TMEM131L: variants seen among roughly 807,000 people sequenced by gnomAD.
TMEM131L encodes the protein transmembrane protein 131-like.
A neutral mutation model predicts 192.2 loss-of-function variants in TMEM131L; 54 were observed. The ratio of observed to expected loss-of-function variants is 0.28; its 90% CI spans 0.23 to 0.35. The LOEUF is 0.35. Among genes scored for constraint, TMEM131L ranks in the 10% least tolerant of loss-of-function variants. The pLI is 1.00. For synonymous variants in TMEM131L, 701 were observed against 704.9 expected (o/e 0.99, Z 0.09); for missense variants, 1,888 against 1,972.9 (o/e 0.96, Z 0.82).
intron 3 of TMEM131L, among the ~76,000 whole-genome samples, chr4:153,499,248 C>T (rs1312449532): frequency 6.6e-6 from 1 of 152,164 alleles, no homozygotes; most frequent in Non-Finnish European, 1.5e-5. Context: ...TGGTGCCCAG[C>T]CTCCAGTCGC....
chr4:153,605,277 C>T (rs1732142720), intron 25 of TMEM131L, among the ~76,000 whole-genome samples: 1 of 152,208 alleles, frequency 6.6e-6, no homozygotes, highest in South Asian at 2.1e-4. Flanking sequence ...ATCCCTTTGG[C>T]CTCTAGCATA....
chr4:153,534,972 C>T (rs750851116), intron 3 of TMEM131L, among the ~76,000 whole-genome samples: 2 of 152,100 alleles, frequency 1.3e-5, no homozygotes, highest in Non-Finnish European at 1.5e-5. Flanking sequence ...CTTGGAAATG[C>T]GGAGTTCTTG....
intron 3 of TMEM131L, among the ~76,000 whole-genome samples, chr4:153,510,087 C>T (rs1018027794): frequency 6.6e-6 from 1 of 152,162 alleles, no homozygotes. Context: ...ACCTGACTCT[C>T]ATTTATGAAA....
At chr4:153,607,300 C>T (rs1260308676) in intron 25 of TMEM131L, among the ~76,000 whole-genome samples, 1 of 152,226 alleles carries the variant, frequency 6.6e-6, no homozygotes, top group Non-Finnish European at 1.5e-5. Context: ...TAAGTTTTTA[C>T]TTCCAGCTTT....
chr4:153,577,403 A>G (rs1730025409), intron 7 of TMEM131L, among the ~76,000 whole-genome samples: 1 of 152,114 alleles, frequency 6.6e-6, no homozygotes, highest in Admixed American at 6.5e-5. Flanking sequence ...CAGGGAGACT[A>G]AGAGGAAGTT....
In TMEM131L at chr4:153,621,822, A is replaced by G. The variant is rs775388173; in HGVS notation, c.3832A>G (p.Ser1278Gly). 21 of 1,614,070 alleles carry G rather than the reference A, an allele frequency of 1.3e-5. No homozygotes were observed. Among genetic ancestry groups the G allele is most frequent in the Non-Finnish European group, 1.7e-5 (20 of 1,180,012 alleles). ...VCKADAEIAS[S>G]LPAAQREAEG... ...TAAAGCAGATGCCGAAATTGCAAGC[A>G]GTTTACCTGCTGCCCAGAGAGAGGC... Residue 1278 changes from serine (S) to glycine (G), a missense_variant, in exon 28 of 35, where the codon AGT becomes GGT. Ser to Gly is a moderately conservative substitution (Grantham distance 56). Coordinates refer to ENST00000409959, the MANE Select transcript of TMEM131L (RefSeq NM_001131007.2).
chr4:153,543,755 C>A (rs960177140), intron 3 of TMEM131L, among the ~76,000 whole-genome samples: 2 of 152,208 alleles, frequency 1.3e-5, no homozygotes, highest in African/African-American at 4.8e-5. Flanking sequence ...AGTATCCCAT[C>A]AGACACACTG....
At chr4:153,530,789 C>CAGTG (rs1735841020) in intron 3 of TMEM131L, among the ~76,000 whole-genome samples, 1 of 152,128 alleles carries the variant, frequency 6.6e-6, no homozygotes, top group African/African-American at 2.4e-5. Context: ...GTGGCTGACT[C>CAGTG]AGTAGTTCCA....
intron 3 of TMEM131L, among the ~76,000 whole-genome samples, chr4:153,532,133 G>A (rs1735944196): frequency 1.3e-5 from 2 of 152,198 alleles, no homozygotes; most frequent in Admixed American, 1.3e-4. Context: ...CAGCTGCCAG[G>A]CTGCTTGAAA....
intron 29 of TMEM131L, among the ~76,000 whole-genome samples, chr4:153,624,318 C>T (rs1411163302): frequency 1.3e-5 from 2 of 152,120 alleles, no homozygotes; most frequent in African/African-American, 4.8e-5. Context: ...GGGGTTTCAT[C>T]ATGTTGCCCA....
intron 20 of TMEM131L, among the ~76,000 whole-genome samples, chr4:153,597,997 A>G (rs6813504): frequency 0.085 from 12,896 of 152,186 alleles, 1,784 homozygotes; most frequent in African/African-American, 0.29. Flanking sequence ...AATTTCAACT[A>G]ATGAAAAGAC....
chr4:153,625,399 A>AAGGGGGT (rs1225903075), intron 29 of TMEM131L, among the ~76,000 whole-genome samples: 13 of 152,066 alleles, frequency 8.5e-5, no homozygotes, highest in Admixed American at 8.5e-4. Flanking sequence ...GACAAAAAAA[A>AAGGGGGT]AGGGGGTACA....
At chr4:153,596,646 G>T (rs1389972375) in intron 20 of TMEM131L, among the ~76,000 whole-genome samples, 1 of 152,178 alleles carries the variant, frequency 6.6e-6, no homozygotes, top group Non-Finnish European at 1.5e-5. Context: ...ACAGCTTCTC[G>T]TCTGTGCTGT....
At chr4:153,537,319 AAG>A (rs77998670) in intron 3 of TMEM131L, among the ~76,000 whole-genome samples, 25,326 of 152,110 alleles carry the variant, frequency 0.17, 2,292 homozygotes, top group Middle Eastern at 0.22. Flanking sequence ...TCTAGACCCC[AAG>A]AGAGAGTTCT....
chr4:153,604,987 G>A (rs1279134534), intron 25 of TMEM131L, among the ~76,000 whole-genome samples: 2 of 152,160 alleles, frequency 1.3e-5, no homozygotes, highest in Admixed American at 1.3e-4. Context: ...ATAGGCGTGA[G>A]CCACCGAACC....
At chr4:153,598,561 C>G (rs769181399) in intron 20 of TMEM131L, 29 bp from the exon 21 acceptor site, 1 of 1,595,992 alleles carries the variant, frequency 6.3e-7, no homozygotes, top group East Asian at 2.3e-5. Context: ...CATGTAATGC[C>G]TTTTTATATC....
intron 3 of TMEM131L, among the ~76,000 whole-genome samples, chr4:153,506,843 CAA>C (rs369133768): frequency 0.19 from 16,483 of 87,912 alleles, 1,843 homozygotes; most frequent in African/African-American, 0.34. Flanking sequence ...ACTCTGTATC[CAA>C]AAAAAAAAAA....
intron 7 of TMEM131L, among the ~76,000 whole-genome samples, chr4:153,562,960 A>C (rs1435182859): frequency 6.6e-6 from 1 of 152,222 alleles, no homozygotes; most frequent in Non-Finnish European, 1.5e-5. Flanking sequence ...TCTAATTTTT[A>C]GATTTTTATA....
chr4:153,593,819 T>G lies in TMEM131L; in HGVS notation c.1943T>G (p.Met648Arg). Residue 648 changes from methionine (M) to arginine (R), a missense_variant, in exon 19 of 35, where the codon ATG becomes AGG. Met to Arg is a moderately conservative substitution (Grantham distance 91). Coordinates refer to ENST00000409959, the MANE Select transcript of TMEM131L (RefSeq NM_001131007.2). ...TATAGGTTTGGCACTGATATGCAGA[T>G]GATTAATTTCACAACTGGTGAATTC... is the stretch of plus-strand genomic sequence containing the variant. ...LHRWFGTDMQ[M>R]INFTTGEFQL... The G allele has an allele frequency of 6.2e-7, 1 of 1,613,042 alleles. No homozygotes were observed. The highest frequency in any genetic ancestry group is 2.2e-5 in the East Asian group (1 of 44,874).
Sources: allele counts gnomAD v4.1 joint callset (sites outside exome capture counted in the v4.1 genomes callset), GRCh38; gene constraint gnomAD v4.1.1; transcripts MANE v1.5; gene names NCBI Gene and HGNC (gene_info 2026-07-23, HGNC 2026-07-21).